The following IQGAP2 variants were observed in gnomAD, a reference collection of about 807,000 sequenced individuals.
IQGAP2 encodes the protein ras GTPase-activating-like protein IQGAP2.
IQGAP2 carries 173 observed loss-of-function variants against 201.3 expected under a neutral mutation model. The observed-to-expected ratio is 0.86, with a 90% confidence interval of 0.76 to 0.98. The LOEUF is 0.98. Among genes scored for constraint, IQGAP2 ranks in the 50% least tolerant of loss-of-function variants. The pLI is 0.00. For missense variants in IQGAP2, 1,687 were observed against 1,864.8 expected (o/e 0.90, Z 1.76); for synonymous variants, 675 against 673.9 (o/e 1.00, Z -0.03).
At chr5:76,703,672 A>G (rs10056941) in intron 35 of IQGAP2, among the ~76,000 whole-genome samples, 47,031 of 147,246 alleles carry the variant, frequency 0.32, 7,723 homozygotes, top group Non-Finnish European at 0.35. Context: ...AAAAAAAGAG[A>G]GCACTGCAAA....
intron 13 of IQGAP2, chr5:76,624,251 G>T (rs1211481265): frequency 6.6e-6 from 1 of 152,054 alleles, no homozygotes; most frequent in African/African-American, 2.4e-5. Flanking sequence ...ATATTCTGTA[G>T]AGTATGACTT....
At chr5:76,662,993 G>A (rs1276653402) in intron 21 of IQGAP2, among the ~76,000 whole-genome samples, 1 of 152,204 alleles carries the variant, frequency 6.6e-6, no homozygotes, top group African/African-American at 2.4e-5. Flanking sequence ...GTAGCCACAT[G>A]GAACTGTCTT....
At chr5:76,660,846 G>A (rs1358592289) in intron 21 of IQGAP2, among the ~76,000 whole-genome samples, 2 of 152,092 alleles carry the variant, frequency 1.3e-5, no homozygotes, top group Non-Finnish European at 2.9e-5. Context: ...TGAAAAAGTG[G>A]GAAACGACCT....
chr5:76,670,520 T>A (rs1208687609), intron 23 of IQGAP2, among the ~76,000 whole-genome samples: 3 of 151,288 alleles, frequency 2.0e-5, no homozygotes, highest in Non-Finnish European at 4.4e-5. Context: ...TCTCAAAAAA[T>A]AAAATAAACA....
intron 33 of IQGAP2, among the ~76,000 whole-genome samples, chr5:76,698,377 G>T (rs1191880823): frequency 6.6e-6 from 1 of 152,178 alleles, no homozygotes; most frequent in African/African-American, 2.4e-5. Context: ...CTTACCTGTT[G>T]TATATTGAGC....
At chr5:76,541,274 C>A (rs1010574092) in intron 2 of IQGAP2, among the ~76,000 whole-genome samples, 2 of 152,116 alleles carry the variant, frequency 1.3e-5, no homozygotes, top group Non-Finnish European at 2.9e-5. Flanking sequence ...TAAGTGGAAT[C>A]ATAGAATATG....
At chr5:76,700,618 A>G (rs1445170009) in intron 33 of IQGAP2, among the ~76,000 whole-genome samples, 2 of 152,248 alleles carry the variant, frequency 1.3e-5, no homozygotes, top group Non-Finnish European at 2.9e-5. Flanking sequence ...TAAAAGTACT[A>G]TGGAAATGTT....
intron 1 of IQGAP2, among the ~76,000 whole-genome samples, chr5:76,441,197 A>G (rs1433967709): frequency 6.6e-6 from 1 of 152,176 alleles, no homozygotes; most frequent in Non-Finnish European, 1.5e-5. Flanking sequence ...GGAGTTAATT[A>G]GTTAATTTGT....
At chr5:76,457,020 T>C (rs1015952372) in intron 1 of IQGAP2, among the ~76,000 whole-genome samples, 2 of 152,142 alleles carry the variant, frequency 1.3e-5, no homozygotes, top group Non-Finnish European at 2.9e-5. Context: ...GACAGGGTCT[T>C]GCTTTGTCAC....
At chr5:76,700,982 GA>G in intron 33 of IQGAP2, 93 bp from the exon 34 acceptor site, 1 of 1,340,730 alleles carries the variant, frequency 7.5e-7, no homozygotes, top group Non-Finnish European at 1.0e-6. Context: ...GGCCAGGTAT[GA>G]ACAGCGATGT....
intron 18 of IQGAP2, among the ~76,000 whole-genome samples, chr5:76,653,792 T>TA (rs749159210): frequency 3.9e-5 from 6 of 152,172 alleles, no homozygotes; most frequent in Non-Finnish European, 7.4e-5. Flanking sequence ...TGTAAAAACT[T>TA]AAAGGATATT....
At chr5:76,652,548 G>A (rs550183103) in intron 17 of IQGAP2, among the ~76,000 whole-genome samples, 1 of 152,114 alleles carries the variant, frequency 6.6e-6, no homozygotes, top group Non-Finnish European at 1.5e-5. Context: ...CCTAAGCTTA[G>A]AACTAGTCTC....
chr5:76,495,253 G>T (rs548814347), intron 2 of IQGAP2, among the ~76,000 whole-genome samples: 1 of 152,232 alleles, frequency 6.6e-6, no homozygotes, highest in Non-Finnish European at 1.5e-5. Context: ...CACCAGCCTA[G>T]AGCACAAACG....
chr5:76,443,031 C>T (rs1198520637), intron 1 of IQGAP2, among the ~76,000 whole-genome samples: 4 of 151,956 alleles, frequency 2.6e-5, no homozygotes, highest in Non-Finnish European at 2.9e-5. Flanking sequence ...TAATATGATA[C>T]CGGAATAAAG....
chr5:76,681,238 T>TGATGTAA (rs1745266996), intron 28 of IQGAP2, among the ~76,000 whole-genome samples: 1 of 151,494 alleles, frequency 6.6e-6, no homozygotes, highest in Non-Finnish European at 1.5e-5. Flanking sequence ...CCAATTTAAA[T>TGATGTAA]ATTGGACAAT....
chr5:76,519,849 T>G (rs1169141695), intron 2 of IQGAP2, among the ~76,000 whole-genome samples: 4 of 152,208 alleles, frequency 2.6e-5, no homozygotes, highest in Non-Finnish European at 5.9e-5. Context: ...TTTGGTAAAC[T>G]ATCTGCTCAA....
intron 2 of IQGAP2, among the ~76,000 whole-genome samples, chr5:76,548,227 C>T (rs1413017276): frequency 6.6e-6 from 1 of 152,132 alleles, no homozygotes; most frequent in Non-Finnish European, 1.5e-5. Flanking sequence ...AAGATGAATA[C>T]AGTTGCAGAA....
chr5:76,483,798 C>T (rs1755942675), intron 2 of IQGAP2, among the ~76,000 whole-genome samples: 1 of 152,196 alleles, frequency 6.6e-6, no homozygotes, highest in African/African-American at 2.4e-5. Flanking sequence ...CTCTTCTTTC[C>T]ATCCCCACCC....
intron 2 of IQGAP2, among the ~76,000 whole-genome samples, chr5:76,509,984 CTTTT>C (rs11331690): frequency 3.6e-5 from 5 of 138,044 alleles, no homozygotes; most frequent in African/African-American, 8.1e-5. Context: ...AATTTTCTTT[CTTTT>C]TTTTTTTTTT....
Sources: allele counts gnomAD v4.1 joint callset (sites outside exome capture counted in the v4.1 genomes callset), GRCh38; gene constraint gnomAD v4.1.1; transcripts MANE v1.5; gene names NCBI Gene and HGNC (gene_info 2026-07-23, HGNC 2026-07-21).